PSG1: variants seen among roughly 807,000 people sequenced by gnomAD.
PSG1 encodes pregnancy specific beta-1-glycoprotein 1, also known as pregnancy-specific beta-1-glycoprotein 1.
A neutral mutation model predicts 41.4 loss-of-function variants in PSG1; 60 were observed. The ratio of observed to expected loss-of-function variants is 1.45; its 90% CI spans 1.18 to 1.80. The LOEUF (loss-of-function observed/expected upper bound fraction) is 1.80. Among genes scored for constraint, PSG1 ranks in the 40% most tolerant of loss-of-function variants. PSG1 has a pLI of 0.00. For missense variants in PSG1, 806 were observed against 516.9 expected (o/e 1.56, Z -5.42); for synonymous variants, 256 against 192.9 (o/e 1.33, Z -2.71).
In PSG1 at chr19:42,874,884, T is replaced by C. The variant is rs192718779; in HGVS notation, c.431-2839A>G. 1.1e-4 allele frequency among the ~76,000 whole-genome samples: 17 copies of C among 151,700 alleles called. 1 individual carries two copies. The highest frequency in any genetic ancestry group is 3.6e-4 in the African/African-American group (15 of 41,340). On this transcript the variant is annotated intron_variant, in intron 2 of 5. Coordinates refer to ENST00000436291, the MANE Select transcript of PSG1 (RefSeq NM_001184825.2). Reference sequence around the variant, plus strand: ...ATCTCTGAGGGATTTTAACAAGTTGTTGACTTTTGAGTTTGTTCAGCTTTT... The same window carrying C: ...ATCTCTGAGGGATTTTAACAAGTTGCTGACTTTTGAGTTTGTTCAGCTTTT...
Position 42,868,146 on chromosome 19 carries a change from C to T in PSG1, c.1198G>A (p.Ala400Thr), listed in dbSNP as rs762822421. 1 of 1,612,346 alleles carries T rather than the reference C, an allele frequency of 6.2e-7. No homozygotes were observed. Among genetic ancestry groups the T allele is most frequent in the Non-Finnish European group, 8.5e-7 (1 of 1,179,104 alleles). ...GATTTGGAGCTTTCCTTGCCAGTGG[C>T]TGAGTTACGAACAGAGCAAACATAG... ...GLYVCSVRNS[A>T]TGKESSKSMT... is the part of the protein sequence containing the mutation. Residue 400 changes from alanine (A) to threonine (T), a missense_variant, in exon 5 of 6, where the codon GCC becomes ACC. Physicochemically the swap from Ala to Thr is moderately conservative, Grantham distance 58. Transcript: ENST00000436291.
chr19:42,871,945 G>C lies in PSG1; in HGVS notation c.531C>G (p.Ser177Arg), dbSNP rs761970933. The change falls in exon 3 of 6, where the codon AGC becomes AGG. Residue 177 changes from serine to arginine, a missense_variant. Coordinates refer to ENST00000436291, the MANE Select transcript of PSG1 (RefSeq NM_001184825.2). Reference protein sequence around the residue: ...LTCDPETPDASYLWWMNGQSL... With the variant: ...LTCDPETPDARYLWWMNGQSL... ...TCTGACCATTCATCCACCACAGGTA[G>C]CTTGCGTCTGGAGTCTCAGGGTCAC... is the stretch of plus-strand genomic sequence containing the variant. 4 of 1,612,406 alleles carry C rather than the reference G, an allele frequency of 2.5e-6. No individual in the cohort carries two copies. Among genetic ancestry groups the C allele is most frequent in the Non-Finnish European group, 3.4e-6 (4 of 1,179,244 alleles).
intron 5 of PSG1, chr19:42,867,612 T>G: frequency 1.4e-6 from 1 of 703,542 alleles, no homozygotes; most frequent in Non-Finnish European, 2.6e-6. Context: ...ACTGTACTTG[T>G]GCAAATATGT....
At position 42,877,981 on chromosome 19, in the gene PSG1, G is replaced by A; in HGVS notation, c.362C>T (p.Thr121Ile). 2 of 1,612,440 alleles carry A rather than the reference G, an allele frequency of 1.2e-6. 1 individual carries two copies. Among genetic ancestry groups the A allele is most frequent in the East Asian group, 4.5e-5 (2 of 44,796 alleles). Residue 121 changes from threonine (T) to isoleucine (I), a missense_variant, in exon 2 of 6, where the codon ACC (threonine) becomes ATC (isoleucine). Transcript: ENST00000436291. ...ATCATCTCCCTTTATGATGTGTAAG[G>A]TGTAGGATCCTGCGTCCTCCCGGGT... is the stretch of plus-strand genomic sequence containing the variant. ...NVTREDAGSY[T>I]LHIIKGDDGT...
chr19:42,879,501 G>A lies in PSG1; in HGVS notation c.64+17C>T, dbSNP rs1472067719. ...TGCTTCCTCCTCCTGTCCTCTCCCA[G>A]GAAGTTCTCTCCTCACCTGTGAGCA... On this transcript the variant is annotated intron_variant, in intron 1 of 5. Coordinates refer to ENST00000436291, the MANE Select transcript of PSG1 (RefSeq NM_001184825.2). 6.2e-7 allele frequency: 1 copy of A among 1,608,198 alleles called. No homozygotes were observed. The highest frequency in any genetic ancestry group is 8.5e-7 in the Non-Finnish European group (1 of 1,176,528).
chr19:42,878,166 G>T lies in PSG1; in HGVS notation c.177C>A (p.Pro59=). 6.2e-7 allele frequency: 1 copy of T among 1,612,146 alleles called. No individual in the cohort carries two copies. The highest frequency in any genetic ancestry group is 1.7e-4 in the Middle Eastern group (1 of 6,056). ...KDVLLLVHNL[P]QNLTGYIWYK... Reference sequence around the variant, plus strand: ...ACCAGATGTAGCCGGTAAGATTCTGGGGCAAATTGTGGACAAGTAGAAGAA... The same window carrying T: ...ACCAGATGTAGCCGGTAAGATTCTGTGGCAAATTGTGGACAAGTAGAAGAA... The change falls in exon 2 of 6, where the codon CCC becomes CCA. Residue 59 remains proline, a synonymous_variant. Coordinates refer to ENST00000436291, the MANE Select transcript of PSG1 (RefSeq NM_001184825.2).
chr19:42,877,835 A>C, intron 2 of PSG1, 78 bp downstream of exon 2: 1 of 1,607,974 alleles, frequency 6.2e-7, no homozygotes, highest in Non-Finnish European at 8.5e-7. Context: ...GGCAGAGTCC[A>C]GGCCTGACAA....
At chr19:42,878,598 G>T (rs1444734546) in intron 1 of PSG1, among the ~76,000 whole-genome samples, 1 of 140,260 alleles carries the variant, frequency 7.1e-6, no homozygotes, top group Admixed American at 7.2e-5. Context: ...ATGCCCTCAG[G>T]TCCTGCTTAC....
Position 42,878,199 on chromosome 19 carries a change from C to T in PSG1, c.144G>A (p.Gly48=), listed in dbSNP as rs1227413387. 3 of 1,611,944 alleles carry T rather than the reference C, an allele frequency of 1.9e-6. No homozygotes were observed. The highest frequency in any genetic ancestry group is 2.2e-5 in the East Asian group (1 of 44,794). The change falls in exon 2 of 6, where the codon GGG becomes GGA. Residue 48 remains glycine (G), a synonymous_variant. Transcript: ENST00000436291. The part of the protein sequence containing the change: ...IEAEPTKVSE[G]KDVLLLVHNL... ...TGTGGACAAGTAGAAGAACATCCTT[C>T]CCCTCGGAAACTTTGGTTGGCTCGG... is the stretch of plus-strand genomic sequence containing the variant.
In PSG1 at chr19:42,869,917, G is replaced by A. The variant is rs576074831; in HGVS notation, c.710-883C>T. On this transcript the variant is annotated intron_variant, in intron 3 of 5. Transcript: ENST00000436291. ...TGGAAATCTGGTCCTCATGAACCAT[G>A]TGTGTTTGATGGATATGAGACAAAT... 2.0e-5 allele frequency: 3 copies of A among 151,880 alleles called. 1 individual carries two copies. The highest frequency in any genetic ancestry group is 3.9e-4 in the East Asian group (2 of 5,172). The allele number at this position is 151,880 out of a possible 1,614,324, so 9.4% of individuals were successfully genotyped here.
intron 2 of PSG1, among the ~76,000 whole-genome samples, chr19:42,876,527 A>G (rs573364175): frequency 6.6e-6 from 1 of 151,082 alleles, no homozygotes; most frequent in South Asian, 2.1e-4. Context: ...TCTTCATTCC[A>G]TTCCTTCATT....
At chr19:42,867,629 C>T (rs545073827) in intron 5 of PSG1, 1 of 731,284 alleles carries the variant, frequency 1.4e-6, no homozygotes, top group African/African-American at 1.8e-5. Context: ...ATGTGTATTA[C>T]CATAAACATA....
At chr19:42,869,273 T>G in intron 3 of PSG1, 1 of 914,846 alleles carries the variant, frequency 1.1e-6, no homozygotes, top group Non-Finnish European at 1.6e-6. Flanking sequence ...GCAGCAGTGT[T>G]GGGTCATGGA....
At position 42,873,322 on chromosome 19, in the gene PSG1, C is replaced by T. The variant is rs552143801; in HGVS notation, c.431-1277G>A. Among the ~76,000 whole-genome samples, 70 of 151,736 alleles carry T rather than the reference C, an allele frequency of 4.6e-4. 3 individuals are homozygous for T. The highest frequency in any genetic ancestry group is 1.4e-3 in the African/African-American group (57 of 41,364). ...TGAAAAATTTAAAATCCACAATGCG[C>T]CAGTGAGCACTTCTTTTTAGCATCA... On this transcript the variant is annotated intron_variant, in intron 2 of 5. Transcript: ENST00000436291.
intron 2 of PSG1, among the ~76,000 whole-genome samples, chr19:42,876,146 G>C (rs1436349407): frequency 1.3e-5 from 2 of 151,506 alleles, no homozygotes; most frequent in Non-Finnish European, 2.9e-5. Flanking sequence ...GGAAGGCCTA[G>C]AGGTGGAGGA....
intron 5 of PSG1, 57 bp from the exon 6 acceptor site, chr19:42,867,207 G>C: frequency 1.3e-6 from 1 of 764,184 alleles, no homozygotes; most frequent in Non-Finnish European, 2.4e-6. Flanking sequence ...TCTCATAACA[G>C]GTATACTACA....
rs1159372821 is a variant in PSG1, at chr19:42,868,107, C to T, written c.1237G>A (p.Val413Ile). 6.2e-7 allele frequency: 1 copy of T among 1,612,254 alleles called. No homozygotes were observed. The highest frequency in any genetic ancestry group is 8.5e-7 in the Non-Finnish European group (1 of 1,179,126). ...GATGCTGGGATCCACTTACCAGAGA[C>T]TTCGACTGTCATGGATTTGGAGCTT... The part of the protein sequence containing the change: ...KESSKSMTVE[V>I]SDWTVP Residue 413 changes from valine to isoleucine, a missense_variant, in exon 5 of 6, where the codon GTC becomes ATC. By Grantham distance (29) the Val-to-Ile change is conservative. Coordinates refer to ENST00000436291, the MANE Select transcript of PSG1 (RefSeq NM_001184825.2).
rs1971722314 is a variant in PSG1 at position 42,878,494 on chromosome 19, C to A, written c.65-216G>T. 4 of 820,352 alleles carry A rather than the reference C, an allele frequency of 4.9e-6. No homozygotes were observed. The South Asian group carries it at 1.1e-4, about 23-fold the overall frequency. 50.8% of individuals were successfully genotyped at this position (820,352 alleles called of 1,614,324 possible). On this transcript the variant is annotated intron_variant, in intron 1 of 5. Coordinates refer to ENST00000436291, the MANE Select transcript of PSG1 (RefSeq NM_001184825.2). ...TCCTACTGTCCTACTAGGTCAAGGTCAGCAGCATGACGCCCATTCCTTCAA... is the reference window on the plus strand; with the variant it reads ...TCCTACTGTCCTACTAGGTCAAGGTAAGCAGCATGACGCCCATTCCTTCAA...
intron 4 of PSG1, 140 bp from the exon 5 acceptor site, chr19:42,868,495 C>T (rs1568415509): frequency 8.1e-6 from 12 of 1,488,854 alleles, no homozygotes; most frequent in South Asian, 1.4e-5. Flanking sequence ...TTCACTGAGC[C>T]GAATCCTGAG....
Sources: allele counts gnomAD v4.1 joint callset (sites outside exome capture counted in the v4.1 genomes callset), GRCh38; gene constraint gnomAD v4.1.1; transcripts MANE v1.5; gene names NCBI Gene and HGNC (gene_info 2026-07-23, HGNC 2026-07-21).